KCND2: variants seen among roughly 807,000 people sequenced by gnomAD.
KCND2 encodes the protein potassium voltage-gated channel subfamily D member 2.
KCND2 carries 16 observed loss-of-function variants against 54.4 expected under a neutral mutation model. That is an observed-to-expected ratio of 0.29 (90% confidence interval 0.20 to 0.45). The LOEUF is 0.45. Among genes scored for constraint, KCND2 ranks in the 20% least tolerant of loss-of-function variants. The pLI is 1.00. For missense variants in KCND2, 486 were observed against 824.2 expected (o/e 0.59, Z 5.02); for synonymous variants, 317 against 310.7 (o/e 1.02, Z -0.21).
intron 1 of KCND2, among the ~76,000 whole-genome samples, chr7:120,696,570 C>A (rs1380051781): frequency 2.0e-5 from 3 of 152,212 alleles, no homozygotes; most frequent in African/African-American, 7.2e-5. Flanking sequence ...CTATCCAATA[C>A]AACAGTGTTG....
intron 1 of KCND2, among the ~76,000 whole-genome samples, chr7:120,407,312 TAG>T (rs1801376283): frequency 6.6e-6 from 1 of 151,976 alleles, no homozygotes; most frequent in African/African-American, 2.4e-5. Context: ...AACAGTTTAT[TAG>T]AGAGTAAGAA....
chr7:120,635,429 C>T (rs1793292686), intron 1 of KCND2, among the ~76,000 whole-genome samples: 1 of 152,136 alleles, frequency 6.6e-6, no homozygotes, highest in African/African-American at 2.4e-5. Context: ...AGTGACAGTA[C>T]CACATTTCCT....
intron 1 of KCND2, among the ~76,000 whole-genome samples, chr7:120,455,127 C>G (rs373447684): frequency 1.3e-5 from 2 of 151,788 alleles, no homozygotes; most frequent in East Asian, 3.9e-4. Flanking sequence ...TTTATAGATT[C>G]AATACTTTTT....
intron 1 of KCND2, among the ~76,000 whole-genome samples, chr7:120,461,253 T>C (rs1480156238): frequency 2.6e-5 from 4 of 152,186 alleles, no homozygotes; most frequent in African/African-American, 9.7e-5. Flanking sequence ...CATTGGTGGC[T>C]TGTCAGCTGC....
intron 1 of KCND2, among the ~76,000 whole-genome samples, chr7:120,529,417 G>A (rs770339667): frequency 2.0e-5 from 3 of 152,052 alleles, no homozygotes; most frequent in Non-Finnish European, 2.9e-5. Context: ...TTCCAGCTGC[G>A]TTTCTTCCAG....
chr7:120,281,727 T>C (rs773335465), intron 1 of KCND2, among the ~76,000 whole-genome samples: 1 of 152,168 alleles, frequency 6.6e-6, no homozygotes, highest in Non-Finnish European at 1.5e-5. Flanking sequence ...AGTTCGGTGC[T>C]CAAATGTAGG....
At chr7:120,277,369 G>T (rs1342907392) in intron 1 of KCND2, among the ~76,000 whole-genome samples, 1 of 151,974 alleles carries the variant, frequency 6.6e-6, no homozygotes, top group African/African-American at 2.4e-5. Flanking sequence ...TGTTTTTGTT[G>T]TCTTGTCATT....
intron 1 of KCND2, among the ~76,000 whole-genome samples, chr7:120,374,066 G>C (rs1442827596): frequency 6.6e-6 from 1 of 151,656 alleles, no homozygotes; most frequent in Non-Finnish European, 1.5e-5. Flanking sequence ...TTTTTTGAAA[G>C]TGCAGATTGA....
At chr7:120,570,577 AT>A (rs1792352931) in intron 1 of KCND2, among the ~76,000 whole-genome samples, 1 of 152,032 alleles carries the variant, frequency 6.6e-6, no homozygotes, top group African/African-American at 2.4e-5. Context: ...TAATTTTTGC[AT>A]TTTTCTGTTT....
rs1273889237 is a variant in KCND2, at chr7:120,537,268, C to CT, written c.1116-195627dup. 8.5e-5 allele frequency among the ~76,000 whole-genome samples: 13 copies of CT among 152,104 alleles called. 1 individual carries two copies. The highest frequency in any genetic ancestry group is 1.7e-4 in the African/African-American group (7 of 41,500). The stretch of plus-strand genomic sequence containing the variant: ...CAGTAATACTTAGAAAAGAAACTTT[C>CT]TTTTTTTTCTGAGCAATTTGTCTCA... On this transcript the variant is annotated intron_variant, in intron 1 of 5. Transcript: ENST00000331113.
rs36108636 is a variant in KCND2 at position 120,583,784 on chromosome 7, T to TGG, written c.1116-149110_1116-149109dup. 3.3e-3 allele frequency among the ~76,000 whole-genome samples: 467 copies of TGG among 142,646 alleles called. 8 individuals are homozygous for TGG. The highest frequency in any genetic ancestry group is 0.012 in the African/African-American group (428 of 36,412). 93.6% of individuals were successfully genotyped at this position (142,646 alleles called of 152,430 possible). A position where few individuals can be genotyped will look rare whatever the true frequency, so the allele number is the denominator to read the frequency against. On this transcript the variant is annotated intron_variant, in intron 1 of 5. Coordinates refer to ENST00000331113, the MANE Select transcript of KCND2 (RefSeq NM_012281.3). Reference sequence around the variant, plus strand: ...GGTTAGGAATTCAGCATAGGAATTGTGGGGGGGGGGACAAAATTCAGCACA... The same window carrying TGG: ...GGTTAGGAATTCAGCATAGGAATTGTGGGGGGGGGGGGACAAAATTCAGCACA...
intron 1 of KCND2, among the ~76,000 whole-genome samples, chr7:120,524,367 A>G (rs564513827): frequency 6.6e-6 from 1 of 152,310 alleles, no homozygotes; most frequent in Admixed American, 6.5e-5. Context: ...TGATAGCAAA[A>G]TAAATTGTAT....
chr7:120,321,911 A>G (rs1799897785), intron 1 of KCND2, among the ~76,000 whole-genome samples: 1 of 152,118 alleles, frequency 6.6e-6, no homozygotes, highest in African/African-American at 2.4e-5. Flanking sequence ...TAAAATACAT[A>G]AAATATGTTC....
At chr7:120,340,612 A>G (rs889484360) in intron 1 of KCND2, among the ~76,000 whole-genome samples, 2 of 152,226 alleles carry the variant, frequency 1.3e-5, no homozygotes, top group African/African-American at 4.8e-5. Context: ...TATATCAAGG[A>G]CAATGGACTT....
chr7:120,571,888 A>T (rs1388632582), intron 1 of KCND2, among the ~76,000 whole-genome samples: 1 of 152,184 alleles, frequency 6.6e-6, no homozygotes, highest in Non-Finnish European at 1.5e-5. Flanking sequence ...TTTCTTTTCT[A>T]TAATATCATT....
At chr7:120,607,380 A>G (rs1340001869) in intron 1 of KCND2, among the ~76,000 whole-genome samples, 1 of 152,146 alleles carries the variant, frequency 6.6e-6, no homozygotes, top group Non-Finnish European at 1.5e-5. Flanking sequence ...TAATGAAGAT[A>G]TTAAATATTC....
chr7:120,325,470 G>A (rs1038173322), intron 1 of KCND2, among the ~76,000 whole-genome samples: 3 of 151,346 alleles, frequency 2.0e-5, no homozygotes, highest in Admixed American at 1.3e-4. Flanking sequence ...TTTGAAATAT[G>A]TCCCATCAAT....
At chr7:120,638,624 T>C (rs891527716) in intron 1 of KCND2, among the ~76,000 whole-genome samples, 1 of 152,104 alleles carries the variant, frequency 6.6e-6, no homozygotes, top group Middle Eastern at 3.2e-3. Flanking sequence ...GATTTTCAAT[T>C]TGATGACAAA....
intron 1 of KCND2, among the ~76,000 whole-genome samples, chr7:120,330,396 A>T (rs1396523631): frequency 6.6e-6 from 1 of 152,014 alleles, no homozygotes; most frequent in East Asian, 1.9e-4. Context: ...CCTGCCCAAC[A>T]TGGCAAAACC....
Sources: allele counts gnomAD v4.1 joint callset (sites outside exome capture counted in the v4.1 genomes callset), GRCh38; gene constraint gnomAD v4.1.1; transcripts MANE v1.5; gene names NCBI Gene and HGNC (gene_info 2026-07-23, HGNC 2026-07-21).